NBEA: variants seen among roughly 807,000 people sequenced by gnomAD.
NBEA encodes lysosomal-trafficking regulator 2.
NBEA carries 44 observed loss-of-function variants against 343.4 expected under a neutral mutation model. The observed-to-expected ratio is 0.13, with a 90% CI of 0.10 to 0.16. The LOEUF (loss-of-function observed/expected upper bound fraction) is 0.16. NBEA is among the 10% of genes least tolerant of loss of function. The pLI, the probability that NBEA is intolerant of heterozygous loss-of-function variation, is 1.00. For synonymous variants in NBEA, 1,175 were observed against 1,238.7 expected (o/e 0.95, Z 1.08); for missense variants, 2,555 against 3,631.3 (o/e 0.70, Z 7.62).
At chr13:35,041,259 A>G (rs1211650) in intron 2 of NBEA, 95 bp downstream of exon 2, 1 of 994,492 alleles carries the variant, frequency 1.0e-6, no homozygotes, top group Non-Finnish European at 1.5e-6. Flanking sequence ...ATTTGTTGAC[A>G]TTACTTTGAT....
chr13:35,055,059 A>C (rs1303102848), intron 6 of NBEA, among the ~76,000 whole-genome samples: 2 of 152,170 alleles, frequency 1.3e-5, no homozygotes, highest in Non-Finnish European at 2.9e-5. Flanking sequence ...TTTATTTCTG[A>C]AAATATATAT....
intron 48 of NBEA, among the ~76,000 whole-genome samples, chr13:35,607,426 T>TCA (rs2082325318): frequency 6.6e-6 from 1 of 152,156 alleles, no homozygotes; most frequent in South Asian, 2.1e-4. Flanking sequence ...TTAATACATT[T>TCA]CACACATATT....
At chr13:35,476,354 C>CTGCTGCTGCTGCT in intron 41 of NBEA, 1 of 1,211,740 alleles carries the variant, frequency 8.3e-7, no homozygotes. Context: ...GCTGCTGCTG[C>CTGCTGCTGCTGCT]TTTTCCCTTC....
intron 34 of NBEA, among the ~76,000 whole-genome samples, chr13:35,274,168 G>A (rs1395405524): frequency 6.6e-6 from 1 of 151,972 alleles, no homozygotes; most frequent in Non-Finnish European, 1.5e-5. Context: ...TTCCACCATG[G>A]TCAATTCAGC....
chr13:34,972,475 T>C (rs1593322279), intron 1 of NBEA, among the ~76,000 whole-genome samples: 2 of 152,206 alleles, frequency 1.3e-5, no homozygotes, highest in Non-Finnish European at 2.9e-5. Flanking sequence ...GTGTTATAAA[T>C]TTCTCTCTTA....
At chr13:35,548,560 T>G (rs1226214557) in intron 41 of NBEA, among the ~76,000 whole-genome samples, 1 of 152,196 alleles carries the variant, frequency 6.6e-6, no homozygotes, top group Admixed American at 6.5e-5. Flanking sequence ...TCTATCATTT[T>G]TTCTGATATT....
chr13:35,066,224 G>T (rs1348133741), intron 8 of NBEA, among the ~76,000 whole-genome samples: 1 of 152,112 alleles, frequency 6.6e-6, no homozygotes, highest in Admixed American at 6.6e-5. Context: ...GCCTCCCAAA[G>T]TGTTGTGATT....
At chr13:35,548,785 A>G (rs1166936058) in intron 41 of NBEA, among the ~76,000 whole-genome samples, 1 of 152,220 alleles carries the variant, frequency 6.6e-6, no homozygotes, top group Non-Finnish European at 1.5e-5. Context: ...GGAAACCATT[A>G]TAGCCAACTA....
At chr13:35,259,004 A>T (rs1475041840) in intron 34 of NBEA, among the ~76,000 whole-genome samples, 2 of 152,164 alleles carry the variant, frequency 1.3e-5, no homozygotes, top group South Asian at 4.1e-4. Flanking sequence ...TATTAAATAA[A>T]TTTTTTACTT....
At chr13:35,370,665 A>G (rs1229474957) in intron 38 of NBEA, among the ~76,000 whole-genome samples, 1 of 151,974 alleles carries the variant, frequency 6.6e-6, no homozygotes, top group Non-Finnish European at 1.5e-5. Flanking sequence ...CTATAGTGGT[A>G]ACATTTGAGT....
intron 1 of NBEA, among the ~76,000 whole-genome samples, chr13:34,967,959 A>G (rs533969833): frequency 2.2e-4 from 34 of 152,238 alleles, no homozygotes; most frequent in African/African-American, 8.2e-4. Flanking sequence ...TCCATTTCAG[A>G]TACCAGCCTG....
chr13:35,549,240 C>T (rs1364740571), intron 41 of NBEA, among the ~76,000 whole-genome samples: 1 of 152,126 alleles, frequency 6.6e-6, no homozygotes, highest in Non-Finnish European at 1.5e-5. Context: ...AAAGATTATA[C>T]ACTTACATAT....
chr13:35,200,356 CT>C (rs1484366321), intron 31 of NBEA, among the ~76,000 whole-genome samples: 1 of 147,786 alleles, frequency 6.8e-6, no homozygotes, highest in Non-Finnish European at 1.5e-5. Flanking sequence ...TATCTGCATG[CT>C]TTTTATCTTT....
intron 1 of NBEA, among the ~76,000 whole-genome samples, chr13:34,952,337 T>C (rs2059375632): frequency 1.3e-5 from 2 of 152,184 alleles, no homozygotes; most frequent in Admixed American, 6.5e-5. Flanking sequence ...TGCAGGTCAA[T>C]TGAATGGATT....
rs569853654 is a variant in NBEA at position 35,629,652 on chromosome 13, T to A, written c.7617+1404T>A. On this transcript the variant is annotated intron_variant, in intron 49 of 58. Transcript: ENST00000379939. ...AAGGCAGGTGTTATGAAATGGCTGG[T>A]GAAATAAGGAATTTTCTCTACAAAT... Among the ~76,000 whole-genome samples, 38 of 152,302 alleles carry A rather than the reference T, an allele frequency of 2.5e-4. No individual in the cohort carries two copies. In the South Asian group the frequency reaches 6.6e-3, roughly 27 times the overall value.
chr13:35,453,872 C>T (rs1030397980), intron 40 of NBEA, among the ~76,000 whole-genome samples: 1 of 151,936 alleles, frequency 6.6e-6, no homozygotes, highest in East Asian at 1.9e-4. Context: ...AAAACATCCC[C>T]CAAAAAAGTT....
At chr13:35,196,328 G>C (rs1362984924) in intron 31 of NBEA, 26 bp downstream of exon 31, 4 of 1,565,540 alleles carry the variant, frequency 2.6e-6, no homozygotes, top group African/African-American at 1.4e-5. Flanking sequence ...ATTATTCACA[G>C]GGCTTTATAC....
intron 39 of NBEA, among the ~76,000 whole-genome samples, chr13:35,451,153 T>C (rs937949598): frequency 6.6e-6 from 1 of 152,198 alleles, no homozygotes; most frequent in African/African-American, 2.4e-5. Flanking sequence ...AGAGGGAGTC[T>C]CACTCTGTCG....
rs949574494 is a variant in NBEA, at chr13:35,508,883, G to T, written c.6585+36347G>T. On this transcript the variant is annotated intron_variant, in intron 41 of 58. Transcript: ENST00000379939. ...ACAGAACTGGATGAGTTGAATGGCGGATTGTTTGGAGATTCCATGGCTAAA... is the reference window on the plus strand; with the variant it reads ...ACAGAACTGGATGAGTTGAATGGCGTATTGTTTGGAGATTCCATGGCTAAA... 1.4e-4 allele frequency among the ~76,000 whole-genome samples: 21 copies of T among 152,264 alleles called. No individual in the cohort carries two copies. In the East Asian group the frequency reaches 2.5e-3, roughly 18 times the overall value.
Sources: gnomAD v4.1 joint callset for allele counts (sites outside exome capture counted in the v4.1 genomes callset) on GRCh38, gnomAD v4.1.1 for gene constraint, MANE v1.5 for transcripts, NCBI Gene and HGNC (gene_info 2026-07-23, HGNC 2026-07-21) for gene names.